Variants in MAF observed in about 807,000 individuals in gnomAD.
The protein encoded by MAF is MAF bZIP transcription factor, also known as transcription factor Maf.
In MAF, 10 loss-of-function variants were observed where a neutral mutation model predicts 22.0. The ratio of observed to expected loss-of-function variants is 0.45; its 90% confidence interval spans 0.28 to 0.77. MAF has a LOEUF of 0.77. Among genes scored for constraint, MAF ranks in the 30% least tolerant of loss-of-function variants. MAF has a pLI of 0.12. For synonymous variants in MAF, 337 were observed against 255.8 expected (o/e 1.32, Z -3.03); for missense variants, 544 against 548.4 (o/e 0.99, Z 0.08).
At chr16:79,312,347 A>T in the MAF span, among the ~76,000 whole-genome samples, 1 of 152,220 alleles carries the variant, frequency 6.6e-6, no homozygotes, top group Admixed American at 6.5e-5. Flanking sequence ...TGCAAGCATT[A>T]AATACGAAAG....
chr16:79,427,283 C>T, the MAF span, among the ~76,000 whole-genome samples: 1 of 152,192 alleles, frequency 6.6e-6, no homozygotes, highest in Non-Finnish European at 1.5e-5. Context: ...TGGTTCAGAT[C>T]GCTTAGGGGT....
rs776506070 is a variant in MAF at position 79,599,951 on chromosome 16, C to T, written c.-49G>A. 3.1e-6 allele frequency: 5 copies of T among 1,597,166 alleles called. No individual in the cohort carries two copies. Among genetic ancestry groups the T allele is most frequent in the Middle Eastern group, 2.1e-4 (1 of 4,840 alleles). On this transcript the variant is annotated 5_prime_UTR_variant, in exon 1 of 2. Transcript: ENST00000326043. ...CGCCGCCGCTCCGCCAGATGGGCTG[C>T]AGGAGAGGGGCCAGCGGGCTGTGCT...
At chr16:79,231,955 C>T in the MAF span, among the ~76,000 whole-genome samples, 1 of 152,006 alleles carries the variant, frequency 6.6e-6, no homozygotes, top group African/African-American at 2.4e-5. Context: ...GCATTAGACT[C>T]TCATAAGGAG....
At chr16:79,525,155 G>A in the MAF span, among the ~76,000 whole-genome samples, 1 of 151,908 alleles carries the variant, frequency 6.6e-6, no homozygotes, top group Non-Finnish European at 1.5e-5. Flanking sequence ...ACAAAGCCCC[G>A]GATTTCATCG....
At chr16:79,405,353 A>G in the MAF span, among the ~76,000 whole-genome samples, 1 of 152,178 alleles carries the variant, frequency 6.6e-6, no homozygotes, top group South Asian at 2.1e-4. Flanking sequence ...CCTCACAGAA[A>G]CAAAGTTTCA....
the MAF span, among the ~76,000 whole-genome samples, chr16:79,315,680 C>T: frequency 4.6e-5 from 7 of 152,172 alleles, no homozygotes; most frequent in African/African-American, 1.4e-4. Context: ...AATTACACTG[C>T]CAATGCTGGG....
chr16:79,347,321 C>T, the MAF span, among the ~76,000 whole-genome samples: 2 of 152,208 alleles, frequency 1.3e-5, no homozygotes, highest in Admixed American at 6.5e-5. Flanking sequence ...AACCAGCTCA[C>T]CCCCGGGGCC....
the MAF span, among the ~76,000 whole-genome samples, chr16:79,326,338 T>C: frequency 6.6e-6 from 1 of 152,222 alleles, no homozygotes; most frequent in Non-Finnish European, 1.5e-5. Flanking sequence ...AAATTTAAGA[T>C]GTTTTGTCCA....
At chr16:79,311,576 T>C in the MAF span, among the ~76,000 whole-genome samples, 1 of 150,642 alleles carries the variant, frequency 6.6e-6, no homozygotes, top group South Asian at 2.1e-4. Flanking sequence ...GTACTGTGAG[T>C]ATGAGGGGTG....
chr16:79,215,359 T>C, the MAF span, among the ~76,000 whole-genome samples: 2 of 152,318 alleles, frequency 1.3e-5, no homozygotes, highest in South Asian at 4.1e-4. Flanking sequence ...TGCCTGGCCA[T>C]GGATGCACCA....
At chr16:79,472,135 G>A in the MAF span, among the ~76,000 whole-genome samples, 2 of 152,174 alleles carry the variant, frequency 1.3e-5, no homozygotes, top group African/African-American at 4.8e-5. Context: ...AGATTTTATG[G>A]AAATATTTAG....
the MAF span, among the ~76,000 whole-genome samples, chr16:79,409,201 T>C: frequency 6.6e-6 from 1 of 152,168 alleles, no homozygotes; most frequent in Non-Finnish European, 1.5e-5. Context: ...ATTCTAGGGA[T>C]CCACTTCAAA....
chr16:79,260,656 G>A, the MAF span, among the ~76,000 whole-genome samples: 5 of 152,084 alleles, frequency 3.3e-5, no homozygotes, highest in African/African-American at 4.8e-5. Context: ...GCCGATCTTC[G>A]GCATTGACCA....
At chr16:79,405,820 G>C in the MAF span, among the ~76,000 whole-genome samples, 1 of 152,146 alleles carries the variant, frequency 6.6e-6, no homozygotes, top group African/African-American at 2.4e-5. Flanking sequence ...CCTCATTTTG[G>C]AGAGAAAGAA....
At chr16:79,353,780 G>T in the MAF span, among the ~76,000 whole-genome samples, 2 of 152,148 alleles carry the variant, frequency 1.3e-5, no homozygotes, top group Admixed American at 1.3e-4. Context: ...TTAGACGATG[G>T]TCCTCACTCC....
the MAF span, among the ~76,000 whole-genome samples, chr16:79,533,608 C>T: frequency 6.6e-6 from 1 of 152,062 alleles, no homozygotes; most frequent in Non-Finnish European, 1.5e-5. Flanking sequence ...CCATCTGGTT[C>T]ATAACCCAAA....
chr16:79,269,013 T>A, the MAF span, among the ~76,000 whole-genome samples: 11 of 152,366 alleles, frequency 7.2e-5, no homozygotes, highest in African/African-American at 2.6e-4. Context: ...AGTAGGTGTT[T>A]TGATATTTGC....
the MAF span, among the ~76,000 whole-genome samples, chr16:79,413,945 T>C: frequency 6.6e-6 from 1 of 152,182 alleles, no homozygotes; most frequent in African/African-American, 2.4e-5. Flanking sequence ...AGGATGAGCT[T>C]TGGGGCCAAC....
At chr16:79,576,939 T>C in the MAF span, among the ~76,000 whole-genome samples, 1 of 152,220 alleles carries the variant, frequency 6.6e-6, no homozygotes, top group South Asian at 2.1e-4. Flanking sequence ...AATGGGACTT[T>C]TATTAGAGTG....
Sources: allele counts gnomAD v4.1 joint callset (sites outside exome capture counted in the v4.1 genomes callset), GRCh38; gene constraint gnomAD v4.1.1; transcripts MANE v1.5; gene names NCBI Gene and HGNC (gene_info 2026-07-23, HGNC 2026-07-21).